PACRG: variants seen among roughly 807,000 people sequenced by gnomAD.
PACRG encodes parkin coregulated gene protein.
A neutral mutation model predicts 29.7 loss-of-function variants in PACRG; 29 were observed. The observed-to-expected ratio is 0.98, with a 90% CI of 0.73 to 1.33. The LOEUF is 1.33. PACRG is among the 40% of genes most tolerant of loss of function. PACRG has a pLI of 0.00. For synonymous variants in PACRG, 116 were observed against 118.7 expected (o/e 0.98, Z 0.15); for missense variants, 279 against 316.2 (o/e 0.88, Z 0.89).
intron 2 of PACRG, among the ~76,000 whole-genome samples, chr6:162,973,698 G>A (rs1200307151): frequency 6.6e-6 from 1 of 152,072 alleles, no homozygotes; most frequent in Non-Finnish European, 1.5e-5. Context: ...CAATAAAGAA[G>A]AACTAAAAAA....
At chr6:162,872,366 T>A (rs1792898008) in intron 2 of PACRG, among the ~76,000 whole-genome samples, 1 of 152,216 alleles carries the variant, frequency 6.6e-6, no homozygotes, top group African/African-American at 2.4e-5. Context: ...TCTAAATAAA[T>A]CTTATCTCTA....
intron 2 of PACRG, among the ~76,000 whole-genome samples, chr6:162,872,251 A>G (rs1792889792): frequency 2.0e-5 from 3 of 152,324 alleles, no homozygotes; most frequent in Admixed American, 2.0e-4. Flanking sequence ...TGTCATTGGA[A>G]GACAGTAGAC....
At chr6:163,206,808 A>G (rs1412796504) in intron 4 of PACRG, among the ~76,000 whole-genome samples, 1 of 89,992 alleles carries the variant, frequency 1.1e-5, no homozygotes, top group African/African-American at 6.1e-5. Flanking sequence ...CTTTGTCACA[A>G]GTAATCTCAA....
chr6:162,977,560 C>A (rs1177771821), intron 2 of PACRG, among the ~76,000 whole-genome samples: 1 of 152,024 alleles, frequency 6.6e-6, no homozygotes. Context: ...CCACCCTTCT[C>A]CGACTGACCA....
At chr6:163,100,575 G>T (rs2476473) in intron 4 of PACRG, among the ~76,000 whole-genome samples, 1 of 152,010 alleles carries the variant, frequency 6.6e-6, no homozygotes, top group African/African-American at 2.4e-5. Flanking sequence ...AGTTCTGCTG[G>T]CGGTGGCCCC....
intron 2 of PACRG, among the ~76,000 whole-genome samples, chr6:162,995,629 C>T (rs898422832): frequency 5.9e-5 from 9 of 152,334 alleles, no homozygotes; most frequent in East Asian, 1.9e-4. Flanking sequence ...CACTGGCCTG[C>T]GCCCACTGTC....
intron 4 of PACRG, among the ~76,000 whole-genome samples, chr6:163,163,621 T>G (rs1337530866): frequency 2.0e-5 from 3 of 152,188 alleles, no homozygotes; most frequent in Non-Finnish European, 4.4e-5. Context: ...TTTATTAGTA[T>G]AAAAAATAAT....
intron 4 of PACRG, among the ~76,000 whole-genome samples, chr6:163,277,487 A>G (rs1784075724): frequency 1.2e-5 from 1 of 85,004 alleles, no homozygotes; most frequent in Non-Finnish European, 2.4e-5. Flanking sequence ...ATGTGTGTAT[A>G]TATATATACA....
chr6:162,856,733 T>C lies in PACRG; in HGVS notation c.291+42452T>C, dbSNP rs528558380. Among the ~76,000 whole-genome samples the C allele has an allele frequency of 3.3e-5, 5 of 152,354 alleles. No homozygotes were observed. The South Asian group carries it at 1.0e-3, about 32-fold the overall frequency. On this transcript the variant is annotated intron_variant, in intron 2 of 4. Coordinates refer to ENST00000366888, the MANE Select transcript of PACRG (RefSeq NM_001080379.2). ...TGCTTCATAAGTCAAATGATGATTC[T>C]TTTACAAATAGCCGTTTGAATAATT... is the stretch of plus-strand genomic sequence containing the variant.
At chr6:162,758,338 A>T (rs957563099) in intron 1 of PACRG, among the ~76,000 whole-genome samples, 1 of 152,172 alleles carries the variant, frequency 6.6e-6, no homozygotes, top group Non-Finnish European at 1.5e-5. Context: ...ATGACCCTAA[A>T]TATGCATAAA....
At chr6:162,996,993 A>G (rs1336303246) in intron 2 of PACRG, among the ~76,000 whole-genome samples, 2 of 152,170 alleles carry the variant, frequency 1.3e-5, no homozygotes, top group East Asian at 1.9e-4. Context: ...TTAGTACTAG[A>G]TTTTATAAGA....
intron 4 of PACRG, among the ~76,000 whole-genome samples, chr6:163,251,655 A>G (rs956148763): frequency 5.3e-5 from 8 of 152,180 alleles, no homozygotes; most frequent in African/African-American, 1.2e-4. Context: ...TCCATTCTGT[A>G]TTGCGCTGCT....
chr6:163,135,324 G>GCACACGCTAC (rs1816891158), intron 4 of PACRG, among the ~76,000 whole-genome samples: 1 of 151,996 alleles, frequency 6.6e-6, no homozygotes, highest in Non-Finnish European at 1.5e-5. Flanking sequence ...AAGTAGCTGG[G>GCACACGCTAC]ACTACAGGCA....
chr6:163,097,805 A>G (rs1814737441), intron 4 of PACRG, among the ~76,000 whole-genome samples: 1 of 152,176 alleles, frequency 6.6e-6, no homozygotes, highest in Admixed American at 6.5e-5. Flanking sequence ...CAGGTTTCTT[A>G]TTATGTAGAT....
At chr6:163,117,156 C>T (rs1481233833) in intron 4 of PACRG, among the ~76,000 whole-genome samples, 2 of 152,222 alleles carry the variant, frequency 1.3e-5, no homozygotes, top group East Asian at 3.8e-4. Context: ...TCATCCCACA[C>T]TGTCTAGCGT....
At chr6:162,892,957 T>G (rs545000529) in intron 2 of PACRG, among the ~76,000 whole-genome samples, 190 of 147,336 alleles carry the variant, frequency 1.3e-3, no homozygotes, top group Non-Finnish European at 2.3e-3. Flanking sequence ...AAGAACCACC[T>G]CAGCCTCAAG....
chr6:163,250,294 T>C (rs1782852302), intron 4 of PACRG, among the ~76,000 whole-genome samples: 1 of 152,218 alleles, frequency 6.6e-6, no homozygotes, highest in African/African-American at 2.4e-5. Context: ...AAACCAGAGA[T>C]ATTTTTCCTT....
At chr6:162,807,609 A>G (rs1325250661) in intron 1 of PACRG, among the ~76,000 whole-genome samples, 2 of 152,144 alleles carry the variant, frequency 1.3e-5, no homozygotes, top group African/African-American at 4.8e-5. Context: ...CTTATATGAG[A>G]GTTGTTTGTG....
In PACRG at chr6:162,952,226, A is replaced by T. The variant is rs535556621; in HGVS notation, c.292-109924A>T. 7.9e-5 allele frequency among the ~76,000 whole-genome samples: 12 copies of T among 152,352 alleles called. No homozygotes were observed. The South Asian group carries it at 2.5e-3, about 32-fold the overall frequency. On this transcript the variant is annotated intron_variant, in intron 2 of 4. Transcript: ENST00000366888. The stretch of plus-strand genomic sequence containing the variant: ...TTCTTATAAGACAGTGCTAAAGGAA[A>T]AATGGAACTTTAAAAACATTACACA...
Sources: allele counts gnomAD v4.1 joint callset (sites outside exome capture counted in the v4.1 genomes callset), GRCh38; gene constraint gnomAD v4.1.1; transcripts MANE v1.5; gene names NCBI Gene and HGNC (gene_info 2026-07-23, HGNC 2026-07-21).